PTPRT: variants seen among roughly 807,000 people sequenced by gnomAD.
The protein encoded by PTPRT is protein tyrosine phosphatase receptor type T.
PTPRT carries 56 observed loss-of-function variants against 176.8 expected under a neutral mutation model. That is an observed-to-expected ratio of 0.32 (90% CI 0.26 to 0.40). PTPRT has a LOEUF of 0.40. Ranked by LOEUF, PTPRT falls within the 10% of genes least tolerant of loss-of-function variation. PTPRT has a pLI of 1.00. For synonymous variants in PTPRT, 783 were observed against 739.0 expected (o/e 1.06, Z -0.96); for missense variants, 1,540 against 1,908.2 (o/e 0.81, Z 3.60).
chr20:43,170,593 GTAATAA>G (rs2014972370), intron 1 of PTPRT, among the ~76,000 whole-genome samples: 1 of 152,138 alleles, frequency 6.6e-6, no homozygotes, highest in African/African-American at 2.4e-5. Context: ...TCTCCAAAAG[GTAATAA>G]TATTATAACC....
chr20:42,263,430 C>T (rs1176447639), intron 13 of PTPRT, among the ~76,000 whole-genome samples: 1 of 124,502 alleles, frequency 8.0e-6, no homozygotes, highest in African/African-American at 3.2e-5. Flanking sequence ...ACCCAGGGTG[C>T]AGTGCAGTGG....
chr20:42,525,923 T>C (rs1021526011), intron 7 of PTPRT, among the ~76,000 whole-genome samples: 1 of 152,224 alleles, frequency 6.6e-6, no homozygotes, highest in Non-Finnish European at 1.5e-5. Flanking sequence ...ATTTTGCTGG[T>C]TGCAGATTTT....
intron 1 of PTPRT, among the ~76,000 whole-genome samples, chr20:42,895,163 C>T (rs1050874729): frequency 3.3e-5 from 5 of 152,182 alleles, no homozygotes; most frequent in African/African-American, 1.2e-4. Flanking sequence ...AAAAATGCCA[C>T]AAACTGTGTG....
intron 1 of PTPRT, among the ~76,000 whole-genome samples, chr20:43,173,448 A>C (rs1378817486): frequency 6.6e-6 from 1 of 152,232 alleles, no homozygotes; most frequent in Non-Finnish European, 1.5e-5. Context: ...CATCCTACAA[A>C]TGCAAAAGCA....
intron 9 of PTPRT, among the ~76,000 whole-genome samples, chr20:42,416,951 C>A (rs943305800): frequency 1.3e-5 from 2 of 152,078 alleles, no homozygotes; most frequent in Non-Finnish European, 2.9e-5. Context: ...GTGGGTGTTT[C>A]TTCTTCCATT....
chr20:42,102,079 G>A, intron 26 of PTPRT, 45 bp downstream of exon 26: 1 of 1,591,542 alleles, frequency 6.3e-7, no homozygotes, highest in Non-Finnish European at 8.6e-7. Context: ...AAGAATATTT[G>A]CCCTAGAATG....
chr20:42,280,450 C>T (rs1015528984), intron 13 of PTPRT, among the ~76,000 whole-genome samples: 1 of 152,136 alleles, frequency 6.6e-6, no homozygotes, highest in African/African-American at 2.4e-5. Flanking sequence ...TGTTGGATCT[C>T]ACCAAATTGG....
intron 7 of PTPRT, among the ~76,000 whole-genome samples, chr20:42,558,111 G>C (rs535574497): frequency 5.9e-5 from 9 of 152,114 alleles, no homozygotes; most frequent in African/African-American, 1.7e-4. Flanking sequence ...GTACCCTTTA[G>C]ATATTTTTCC....
rs546417280 is a variant in PTPRT at position 42,893,102 on chromosome 20, C to T, written c.89-7170G>A. 1.4e-4 allele frequency among the ~76,000 whole-genome samples: 22 copies of T among 152,094 alleles called. 1 individual carries two copies. The highest frequency in any genetic ancestry group is 3.4e-3 in the Middle Eastern group (1 of 294). ...AACCTACAAAATGGGAGAAAATTTT[C>T]GCAACCTACTCATCTGACAAAGGGC... On this transcript the variant is annotated intron_variant, in intron 1 of 30. Transcript: ENST00000373187.
At chr20:42,896,038 C>T (rs1188065654) in intron 1 of PTPRT, among the ~76,000 whole-genome samples, 1 of 152,160 alleles carries the variant, frequency 6.6e-6, no homozygotes, top group Non-Finnish European at 1.5e-5. Context: ...TCTGCTAGCC[C>T]TACGGATAAG....
At chr20:42,535,452 C>A (rs2072460113) in intron 7 of PTPRT, among the ~76,000 whole-genome samples, 1 of 152,102 alleles carries the variant, frequency 6.6e-6, no homozygotes, top group Non-Finnish European at 1.5e-5. Flanking sequence ...CACACCTTCC[C>A]ATCTACCCCA....
At chr20:42,680,071 G>A (rs1020349729) in intron 6 of PTPRT, among the ~76,000 whole-genome samples, 3 of 152,170 alleles carry the variant, frequency 2.0e-5, no homozygotes, top group Non-Finnish European at 4.4e-5. Flanking sequence ...GGGCCTCTGG[G>A]TTATTCACAT....
At chr20:42,381,639 G>A (rs1361337182) in intron 9 of PTPRT, among the ~76,000 whole-genome samples, 1 of 152,110 alleles carries the variant, frequency 6.6e-6, no homozygotes, top group Non-Finnish European at 1.5e-5. Context: ...TTTAGGGTGA[G>A]TGAAAGGAAG....
At chr20:42,698,862 T>C (rs1322994008) in intron 6 of PTPRT, among the ~76,000 whole-genome samples, 1 of 152,072 alleles carries the variant, frequency 6.6e-6, no homozygotes, top group African/African-American at 2.4e-5. Flanking sequence ...CATGAATGAA[T>C]GAATGAATGA....
chr20:42,989,030 A>G (rs1983750316), intron 1 of PTPRT, among the ~76,000 whole-genome samples: 1 of 152,362 alleles, frequency 6.6e-6, no homozygotes, highest in East Asian at 1.9e-4. Flanking sequence ...ACAGCATATG[A>G]CAGAGAGTAA....
At chr20:42,614,389 A>C (rs2074028375) in intron 7 of PTPRT, among the ~76,000 whole-genome samples, 2 of 152,176 alleles carry the variant, frequency 1.3e-5, no homozygotes, top group Admixed American at 1.3e-4. Context: ...TCAACATATA[A>C]TTCAGGTCCA....
intron 7 of PTPRT, among the ~76,000 whole-genome samples, chr20:42,655,615 A>C (rs1403194047): frequency 1.3e-5 from 2 of 152,228 alleles, no homozygotes; most frequent in Non-Finnish European, 2.9e-5. Flanking sequence ...TGAATGGGAG[A>C]GTAAAACTGG....
chr20:43,175,612 C>T (rs1391390119), intron 1 of PTPRT, among the ~76,000 whole-genome samples: 2 of 101,056 alleles, frequency 2.0e-5, no homozygotes, highest in East Asian at 2.7e-4. Flanking sequence ...TGTGCCACTG[C>T]ACTCCAACCT....
chr20:42,243,255 C>T (rs369443928), intron 14 of PTPRT, among the ~76,000 whole-genome samples: 6 of 152,060 alleles, frequency 3.9e-5, no homozygotes, highest in African/African-American at 7.2e-5. Context: ...ACTTTGACTA[C>T]GAAATACCTG....
Sources: allele counts gnomAD v4.1 joint callset (sites outside exome capture counted in the v4.1 genomes callset), GRCh38; gene constraint gnomAD v4.1.1; transcripts MANE v1.5; gene names NCBI Gene and HGNC (gene_info 2026-07-23, HGNC 2026-07-21).